DSCAM: variants seen among roughly 807,000 people sequenced by gnomAD.
DSCAM encodes DS cell adhesion molecule.
Under a neutral mutation model 217.7 loss-of-function variants are expected in DSCAM, and 47 were observed. The observed-to-expected ratio is 0.22, with a 90% CI of 0.17 to 0.28. The LOEUF (loss-of-function observed/expected upper bound fraction) is 0.28, where lower values mean the gene tolerates loss of function less well. DSCAM is among the 10% of genes least tolerant of loss of function. DSCAM has a pLI of 1.00. For synonymous variants in DSCAM, 1,056 were observed against 1,015.3 expected, an observed-to-expected ratio of 1.04 and a Z score of -0.76; for missense variants, 2,080 against 2,618.3, an observed-to-expected ratio of 0.79 and a Z score of 4.49.
chr21:40,018,112 C>G (rs941221632), intron 32 of DSCAM, among the ~76,000 whole-genome samples: 11 of 152,112 alleles, frequency 7.2e-5, no homozygotes, highest in Non-Finnish European at 1.6e-4. Context: ...ATTCTTCAGT[C>G]TTCTCTAACC....
chr21:40,702,347 C>T (rs577150029), intron 2 of DSCAM, among the ~76,000 whole-genome samples: 14 of 152,280 alleles, frequency 9.2e-5, no homozygotes, highest in African/African-American at 3.4e-4. Flanking sequence ...CTTATTGTCA[C>T]AAATGTATCA....
At chr21:40,081,084 T>G (rs1049381622) in intron 24 of DSCAM, among the ~76,000 whole-genome samples, 2 of 152,176 alleles carry the variant, frequency 1.3e-5, no homozygotes, top group African/African-American at 4.8e-5. Context: ...CCAGAGCAGT[T>G]AAGCGGTGAG....
At chr21:40,085,819 C>G in intron 22 of DSCAM, 54 bp from the exon 23 acceptor site, 1 of 1,384,826 alleles carries the variant, frequency 7.2e-7, no homozygotes. Flanking sequence ...TCCAAATTAG[C>G]TGAGGTTGGG....
intron 3 of DSCAM, among the ~76,000 whole-genome samples, chr21:40,578,229 C>T (rs73902688): frequency 0.022 from 3,399 of 152,166 alleles, 111 homozygotes; most frequent in African/African-American, 0.079. Flanking sequence ...CAGAGACACT[C>T]TTACACACCT....
intron 1 of DSCAM, among the ~76,000 whole-genome samples, chr21:40,749,465 T>A (rs1419698306): frequency 6.6e-6 from 1 of 152,102 alleles, no homozygotes; most frequent in Non-Finnish European, 1.5e-5. Flanking sequence ...AACAGCTATA[T>A]GAAAAAATGC....
At chr21:40,503,313 G>A (rs565487616) in intron 3 of DSCAM, among the ~76,000 whole-genome samples, 2 of 152,228 alleles carry the variant, frequency 1.3e-5, no homozygotes, top group South Asian at 2.1e-4. Flanking sequence ...GATATGCTTC[G>A]ACCAAGAGGA....
In DSCAM at chr21:40,469,733, A is replaced by G. The variant is rs537194515; in HGVS notation, c.509-100488T>C. ...TGAATAAGATTGAAAAAAATTAAATACCAGAAATTTAGTTAAAAAATAATG... is the reference window on the plus strand; with the variant it reads ...TGAATAAGATTGAAAAAAATTAAATGCCAGAAATTTAGTTAAAAAATAATG... On this transcript the variant is annotated intron_variant, in intron 3 of 32. Transcript: ENST00000400454. Among the ~76,000 whole-genome samples the G allele has an allele frequency of 2.0e-5, 3 of 152,330 alleles. No homozygotes were observed. The East Asian group carries it at 5.8e-4, about 29-fold the overall frequency.
intron 1 of DSCAM, among the ~76,000 whole-genome samples, chr21:40,744,719 C>A (rs1157932839): frequency 1.3e-5 from 2 of 151,952 alleles, no homozygotes; most frequent in Non-Finnish European, 2.9e-5. Context: ...CATCATAAAA[C>A]ACGCAAAAAT....
chr21:40,278,041 T>C (rs562268738), intron 10 of DSCAM, among the ~76,000 whole-genome samples: 43 of 152,108 alleles, frequency 2.8e-4, no homozygotes, highest in African/African-American at 9.9e-4. Flanking sequence ...AGTCATGGGA[T>C]ACAACATCAA....
intron 16 of DSCAM, among the ~76,000 whole-genome samples, chr21:40,164,149 C>A (rs1251952770): frequency 6.6e-6 from 1 of 152,156 alleles, no homozygotes; most frequent in East Asian, 1.9e-4. Flanking sequence ...TGGGTGGGAA[C>A]CTCCCTGAGC....
chr21:40,120,126 G>T (rs995350533), intron 20 of DSCAM, among the ~76,000 whole-genome samples: 5 of 152,100 alleles, frequency 3.3e-5, no homozygotes, highest in African/African-American at 1.2e-4. Flanking sequence ...GAACTTAATT[G>T]CCCAGGTCTT....
chr21:40,049,566 T>C (rs535648316), intron 30 of DSCAM, among the ~76,000 whole-genome samples: 4 of 152,230 alleles, frequency 2.6e-5, no homozygotes, highest in African/African-American at 4.8e-5. Flanking sequence ...GTCTGCCCCC[T>C]GACTAGGATG....
At chr21:40,415,761 C>T (rs185483671) in intron 3 of DSCAM, among the ~76,000 whole-genome samples, 2 of 152,236 alleles carry the variant, frequency 1.3e-5, no homozygotes, top group South Asian at 2.1e-4. Context: ...GGACCCTCTT[C>T]GAGGGTCTTC....
At chr21:40,788,141 G>A (rs2091609776) in intron 1 of DSCAM, among the ~76,000 whole-genome samples, 2 of 152,120 alleles carry the variant, frequency 1.3e-5, no homozygotes, top group Non-Finnish European at 2.9e-5. Flanking sequence ...TAAACTAAAT[G>A]CATTTAGTTC....
At chr21:40,682,245 G>A (rs56347643) in intron 3 of DSCAM, among the ~76,000 whole-genome samples, 22,157 of 151,952 alleles carry the variant, frequency 0.15, 1,668 homozygotes, top group East Asian at 0.23. Context: ...CCGAAGTTGG[G>A]GTCACACAGG....
chr21:40,513,566 G>C (rs537487101), intron 3 of DSCAM, among the ~76,000 whole-genome samples: 1 of 152,110 alleles, frequency 6.6e-6, no homozygotes, highest in Non-Finnish European at 1.5e-5. Flanking sequence ...AGGAGCAAGA[G>C]TGATGGCAGG....
chr21:40,189,009 C>A, intron 12 of DSCAM, 33 bp downstream of exon 12: 1 of 1,602,190 alleles, frequency 6.2e-7, no homozygotes, highest in Non-Finnish European at 8.5e-7. Flanking sequence ...CAATAAAGTT[C>A]ATTCCATTGT....
chr21:40,110,108 C>G (rs540171414), intron 20 of DSCAM, among the ~76,000 whole-genome samples: 1 of 152,316 alleles, frequency 6.6e-6, no homozygotes, highest in East Asian at 1.9e-4. Flanking sequence ...TGAGAACAGA[C>G]AGACTGCCTC....
At chr21:40,472,691 T>C (rs907005529) in intron 3 of DSCAM, among the ~76,000 whole-genome samples, 2 of 152,222 alleles carry the variant, frequency 1.3e-5, no homozygotes, top group Non-Finnish European at 2.9e-5. Context: ...GTGTCTGTTT[T>C]GGAGGAGTGG....
Sources: gnomAD v4.1 joint callset for allele counts (sites outside exome capture counted in the v4.1 genomes callset) on GRCh38, gnomAD v4.1.1 for gene constraint, MANE v1.5 for transcripts, NCBI Gene and HGNC (gene_info 2026-07-23, HGNC 2026-07-21) for gene names.